Variants in SOX6 observed in about 807,000 individuals in gnomAD.
SOX6 encodes SRY-box transcription factor 6.
Under a neutral mutation model 97.8 loss-of-function variants are expected in SOX6, and 11 were observed. The ratio of observed to expected loss-of-function variants is 0.11; its 90% CI spans 0.07 to 0.19. The LOEUF (loss-of-function observed/expected upper bound fraction) is 0.19, where lower values mean the gene tolerates loss of function less well. Among genes scored for constraint, SOX6 ranks in the 10% least tolerant of loss-of-function variants. The probability of loss-of-function intolerance (pLI) is 1.00; values close to 1 mark genes in which losing one functional copy is unlikely to be tolerated. For synonymous variants in SOX6, 360 were observed against 371.4 expected (o/e 0.97, Z 0.35); for missense variants, 810 against 1,039.5 (o/e 0.78, Z 3.04).
At chr11:16,627,757 C>G (rs752078118) in intron 3 of SOX6, among the ~76,000 whole-genome samples, 1 of 152,164 alleles carries the variant, frequency 6.6e-6, no homozygotes, top group East Asian at 1.9e-4. Flanking sequence ...TGTCTGTTTA[C>G]TCTGTTGATA....
At chr11:16,529,104 A>G (rs1040677432) in intron 4 of SOX6, among the ~76,000 whole-genome samples, 1 of 152,084 alleles carries the variant, frequency 6.6e-6, no homozygotes, top group African/African-American at 2.4e-5. Context: ...CCACAGTTTT[A>G]ATCTATTTGA....
chr11:16,707,052 T>C (rs1848143262), intron 3 of SOX6, among the ~76,000 whole-genome samples: 1 of 152,198 alleles, frequency 6.6e-6, no homozygotes, highest in South Asian at 2.1e-4. Context: ...TGAGTGGATC[T>C]TAAAGGCAGT....
At chr11:16,417,014 T>C (rs994767279) in intron 1 of SOX6, among the ~76,000 whole-genome samples, 2 of 152,182 alleles carry the variant, frequency 1.3e-5, no homozygotes, top group African/African-American at 4.8e-5. Flanking sequence ...CGAATTTAGC[T>C]ACACTAACCA....
intron 1 of SOX6, among the ~76,000 whole-genome samples, chr11:16,348,612 C>A (rs1451329875): frequency 1.3e-5 from 2 of 152,092 alleles, no homozygotes; most frequent in Admixed American, 1.3e-4. Flanking sequence ...AAGAGCACTA[C>A]AACTTTCCAG....
intron 4 of SOX6, among the ~76,000 whole-genome samples, chr11:16,192,008 T>C (rs3740804): frequency 6.6e-6 from 1 of 152,098 alleles, no homozygotes; most frequent in East Asian, 1.9e-4. Flanking sequence ...AACACCTGAT[T>C]TATTTTATCT....
chr11:16,191,550 G>C (rs1020548947), intron 4 of SOX6, among the ~76,000 whole-genome samples: 2 of 152,150 alleles, frequency 1.3e-5, no homozygotes, highest in Non-Finnish European at 2.9e-5. Context: ...CTGATGATCT[G>C]CCCAGGCCAG....
chr11:16,378,660 T>C lies in SOX6; in HGVS notation c.-4-37408A>G, dbSNP rs193247063. Among the ~76,000 whole-genome samples the C allele has an allele frequency of 2.0e-3, 307 of 152,064 alleles. 1 individual carries two copies. The highest frequency in any genetic ancestry group is 3.5e-3 in the Middle Eastern group (1 of 288). On this transcript the variant is annotated intron_variant, in intron 1 of 15. Transcript: ENST00000396356. ...AAAATTAAAGGTAAAAAAATAACAT[T>C]ATAATAAAATATATGTGACCACTTA...
At chr11:16,343,998 G>A (rs755668282) in intron 1 of SOX6, among the ~76,000 whole-genome samples, 37 of 151,956 alleles carry the variant, frequency 2.4e-4, no homozygotes, top group Non-Finnish European at 5.2e-4. Flanking sequence ...GGACAACAAC[G>A]GTTAACAATC....
In SOX6 at chr11:16,178,143, G is replaced by A. The variant is rs564949410; in HGVS notation, c.777+5743C>T. Among the ~76,000 whole-genome samples, 7 of 152,062 alleles carry A rather than the reference G, an allele frequency of 4.6e-5. No individual in the cohort carries two copies. In the South Asian group the frequency reaches 1.0e-3, roughly 23 times the overall value. On this transcript the variant is annotated intron_variant, in intron 6 of 15. Transcript: ENST00000683767. Reference sequence around the variant, plus strand: ...TCCATTGAGTAGCTCTTGGGATCTGGTCAGTTCTCTTATTTTTAGGCGCAT... The same window carrying A: ...TCCATTGAGTAGCTCTTGGGATCTGATCAGTTCTCTTATTTTTAGGCGCAT...
At chr11:16,413,723 G>T (rs561061297) in intron 1 of SOX6, among the ~76,000 whole-genome samples, 114 of 151,620 alleles carry the variant, frequency 7.5e-4, no homozygotes, top group African/African-American at 2.4e-3. Context: ...GTTTCACCAT[G>T]TTCTCCAGGC....
chr11:16,684,071 A>G (rs1309602310), intron 3 of SOX6, among the ~76,000 whole-genome samples: 2 of 152,222 alleles, frequency 1.3e-5, no homozygotes, highest in Non-Finnish European at 2.9e-5. Flanking sequence ...GGTGATCATT[A>G]AAAAGTCAGG....
intron 1 of SOX6, among the ~76,000 whole-genome samples, chr11:16,370,268 C>A (rs373241063): frequency 1.3e-5 from 2 of 152,180 alleles, no homozygotes; most frequent in East Asian, 3.9e-4. Flanking sequence ...TCCTTTTTTG[C>A]TTTTTTAGTT....
chr11:16,085,330 A>T (rs975396142), intron 9 of SOX6, among the ~76,000 whole-genome samples: 3 of 152,016 alleles, frequency 2.0e-5, no homozygotes, highest in East Asian at 3.9e-4. Context: ...AAAAAAAAAA[A>T]TTGCTTTTTT....
chr11:16,588,287 C>T (rs1195118720), intron 4 of SOX6, among the ~76,000 whole-genome samples: 2 of 152,100 alleles, frequency 1.3e-5, no homozygotes, highest in Non-Finnish European at 2.9e-5. Context: ...ATCAAACTTC[C>T]CAATCACCAA....
At chr11:16,643,603 C>G (rs887086023) in intron 3 of SOX6, among the ~76,000 whole-genome samples, 2 of 152,350 alleles carry the variant, frequency 1.3e-5, no homozygotes, top group Admixed American at 6.5e-5. Flanking sequence ...CTACTCAAGC[C>G]TCAGCAATGG....
At chr11:16,131,229 T>C (rs968669110) in intron 6 of SOX6, among the ~76,000 whole-genome samples, 2 of 151,578 alleles carry the variant, frequency 1.3e-5, no homozygotes, top group African/African-American at 2.4e-5. Flanking sequence ...GTATTCAGAA[T>C]AATTAAGAAA....
At position 16,200,118 on chromosome 11, in the gene SOX6, A is replaced by G. The variant is rs984932743; in HGVS notation, c.536-13163T>C. ...ATAATGCCACCAAAGCTTTTGTAGG[A>G]GAATGTTTTCAGAAGTTATACTTTA... On this transcript the variant is annotated intron_variant, in intron 4 of 15. Coordinates refer to ENST00000683767, the MANE Select transcript of SOX6 (RefSeq NM_001367873.1). Among the ~76,000 whole-genome samples, 3 of 152,302 alleles carry G rather than the reference A, an allele frequency of 2.0e-5. No individual in the cohort carries two copies. The East Asian group carries it at 5.8e-4, about 29-fold the overall frequency.
intron 7 of SOX6, among the ~76,000 whole-genome samples, chr11:16,101,179 G>C (rs1339864379): frequency 6.6e-6 from 1 of 151,550 alleles, no homozygotes; most frequent in Non-Finnish European, 1.5e-5. Flanking sequence ...ACTTAGCATG[G>C]ATCTTGCCTG....
intron 4 of SOX6, among the ~76,000 whole-genome samples, chr11:16,595,687 A>C (rs1205436356): frequency 6.6e-6 from 1 of 151,950 alleles, no homozygotes; most frequent in Non-Finnish European, 1.5e-5. Context: ...AGGCAGGAGA[A>C]TTGCTTAAGG....
Sources: allele counts gnomAD v4.1 joint callset (sites outside exome capture counted in the v4.1 genomes callset), GRCh38; gene constraint gnomAD v4.1.1; transcripts MANE v1.5; gene names NCBI Gene and HGNC (gene_info 2026-07-23, HGNC 2026-07-21).